SRCAP: variants seen among roughly 807,000 people sequenced by gnomAD.
SRCAP encodes the protein Snf2 related CREBBP activator protein, also known as chromatin remodeling protein SRCAP.
Under a neutral mutation model 263.1 loss-of-function variants are expected in SRCAP, and 46 were observed. The ratio of observed to expected loss-of-function variants is 0.17; its 90% CI spans 0.14 to 0.22. The LOEUF is 0.22. Among genes scored for constraint, SRCAP ranks in the 10% least tolerant of loss-of-function variants. The pLI is 1.00. For missense variants in SRCAP, 3,695 were observed against 4,181.9 expected (o/e 0.88, Z 3.21); for synonymous variants, 1,813 against 1,662.1 (o/e 1.09, Z -2.21).
chr16:30,738,392 TAGTGCC>T lies in SRCAP; in HGVS notation c.8355_8360del (p.Ala2786_Ser2787del). ...CCCTAGTGCCTGGGGTCTCTGAGAC[TAGTGCC>T]AGCCCGGGAAGCCCGTCTGTCCGCA... is the stretch of plus-strand genomic sequence containing the variant. On this transcript the variant is annotated inframe_deletion, in exon 34 of 34. Transcript: ENST00000262518. 6.5e-7 allele frequency: 1 copy of T among 1,549,896 alleles called. No homozygotes were observed. Among genetic ancestry groups the T allele is most frequent in the Non-Finnish European group, 8.7e-7 (1 of 1,149,094 alleles).
intron 25 of SRCAP, chr16:30,725,751 T>C (rs947169591): frequency 7.9e-5 from 12 of 152,284 alleles, no homozygotes; most frequent in African/African-American, 2.7e-4. Context: ...ATAAATCATA[T>C]ACCATTCGAT....
At position 30,738,213 on chromosome 16, in the gene SRCAP, A is replaced by C; in HGVS notation, c.8173A>C (p.Ser2725Arg). The stretch of plus-strand genomic sequence containing the variant: ...TGCCCGACCTCCTCGGCGTCGCACC[A>C]GTGCTGATGTGGAAATTAGGGGTCA... ...SPARPPRRRT[S>R]ADVEIRGQGT... The change falls in exon 34 of 34, where the codon AGT becomes CGT. Residue 2725 changes from serine (S) to arginine (R), a missense_variant. Ser to Arg is a moderately radical substitution (Grantham distance 110, BLOSUM62 -1). Transcript: ENST00000262518. The C allele has an allele frequency of 1.2e-6, 2 of 1,614,160 alleles. No individual in the cohort carries two copies. Among genetic ancestry groups the C allele is most frequent in the Non-Finnish European group, 1.7e-6 (2 of 1,180,016 alleles).
Position 30,739,373 on chromosome 16 carries a change from C to T in SRCAP, c.9333C>T (p.Val3111=), listed in dbSNP as rs1304647706. ...PGGLELTPPV[V]SLTPKLRSTR... is the part of the protein sequence containing the mutation. ...GGTTGGAATTGACACCACCTGTGGT[C>T]TCACTAACCCCAAAACTGCGCTCGA... The change falls in exon 34 of 34, where the codon GTC becomes GTT. Residue 3111 remains valine (V), a synonymous_variant. Transcript: ENST00000262518. 6 of 1,614,208 alleles carry T rather than the reference C, an allele frequency of 3.7e-6. No homozygotes were observed. The highest frequency in any genetic ancestry group is 5.1e-6 in the Non-Finnish European group (6 of 1,180,018).
At position 30,740,725 on chromosome 16, in the gene SRCAP, T is replaced by G. The variant is rs1030306873; in HGVS notation, c.*992T>G. 5 of 152,254 alleles carry G rather than the reference T, an allele frequency of 3.3e-5. No homozygotes were observed. The highest frequency in any genetic ancestry group is 7.3e-5 in the Non-Finnish European group (5 of 68,092). The allele number at this position is 152,254 out of a possible 1,614,324, so 9.4% of individuals were successfully genotyped here. On this transcript the variant is annotated 3_prime_UTR_variant, in exon 34 of 34. Transcript: ENST00000262518. ...ATAGCCAGGTAAGAGCCCTGTTCATTTTTACATTCTCTGTTCACTCCCTGG... is the reference window on the plus strand; with the variant it reads ...ATAGCCAGGTAAGAGCCCTGTTCATGTTTACATTCTCTGTTCACTCCCTGG...
Sources: allele counts gnomAD v4.1 joint callset, GRCh38; gene constraint gnomAD v4.1.1; transcripts MANE v1.5; gene names NCBI Gene and HGNC (gene_info 2026-07-23, HGNC 2026-07-21).